The following STARD13 variants were observed in gnomAD, a reference collection of about 807,000 sequenced individuals.
STARD13 encodes the protein StAR related lipid transfer domain containing 13.
A neutral mutation model predicts 106.4 loss-of-function variants in STARD13; 62 were observed. That is an observed-to-expected ratio of 0.58 (90% CI 0.48 to 0.72). STARD13 has a LOEUF of 0.72. Among genes scored for constraint, STARD13 ranks in the 30% least tolerant of loss-of-function variants. The pLI is 0.00. For synonymous variants in STARD13, 565 were observed against 553.0 expected, an observed-to-expected ratio of 1.02 and a Z score of -0.31; for missense variants, 1,387 against 1,424.0, an observed-to-expected ratio of 0.97 and a Z score of 0.42.
At chr13:33,604,742 T>C in the STARD13 span, among the ~76,000 whole-genome samples, 1 of 151,388 alleles carries the variant, frequency 6.6e-6, no homozygotes, top group Admixed American at 6.6e-5. Flanking sequence ...GAGGTTGCAG[T>C]GAGCTGAGAT....
chr13:33,355,301 C>T (rs2078114472), upstream of STARD13: 1 of 152,188 alleles, frequency 6.6e-6, no homozygotes, highest in Non-Finnish European at 1.5e-5. Context: ...TTCCACTTCC[C>T]TCCCATGTTC....
chr13:33,412,888 T>C, the STARD13 span, among the ~76,000 whole-genome samples: 4 of 152,100 alleles, frequency 2.6e-5, no homozygotes, highest in African/African-American at 9.7e-5. Flanking sequence ...TCTCAACAAC[T>C]GATGGAACAA....
At chr13:33,296,318 G>C (rs115805795) in intron 1 of STARD13, among the ~76,000 whole-genome samples, 1 of 152,014 alleles carries the variant, frequency 6.6e-6, no homozygotes, top group South Asian at 2.1e-4. Flanking sequence ...ACATCATCAC[G>C]CAATGTATCT....
chr13:33,443,458 C>A, the STARD13 span, among the ~76,000 whole-genome samples: 7 of 37,670 alleles, frequency 1.9e-4, no homozygotes, highest in African/African-American at 9.1e-4. Context: ...GGTCCCCCCC[C>A]CAAAAAAAAA....
At chr13:33,453,785 G>T in the STARD13 span, among the ~76,000 whole-genome samples, 39 of 152,196 alleles carry the variant, frequency 2.6e-4, no homozygotes, top group Non-Finnish European at 4.1e-4. Context: ...AAAAGAGTGT[G>T]TAACAGGGAG....
chr13:33,160,408 C>T (rs1882485029), intron 3 of STARD13, among the ~76,000 whole-genome samples: 1 of 152,004 alleles, frequency 6.6e-6, no homozygotes, highest in Non-Finnish European at 1.5e-5. Context: ...TTAGATATGA[C>T]ATTAAAAGCA....
At chr13:33,372,946 C>A in the STARD13 span, among the ~76,000 whole-genome samples, 3 of 152,116 alleles carry the variant, frequency 2.0e-5, no homozygotes, top group Non-Finnish European at 4.4e-5. Flanking sequence ...TTAAGACCAA[C>A]AGGGGTCATG....
At chr13:33,263,854 CA>C (rs1007326344) in intron 1 of STARD13, among the ~76,000 whole-genome samples, 10 of 152,146 alleles carry the variant, frequency 6.6e-5, no homozygotes, top group Non-Finnish European at 1.0e-4. Flanking sequence ...TTTTAATCTA[CA>C]AATTATTTGA....
At chr13:33,603,246 C>T in the STARD13 span, among the ~76,000 whole-genome samples, 2 of 152,078 alleles carry the variant, frequency 1.3e-5, no homozygotes, top group Non-Finnish European at 2.9e-5. Context: ...AAGTTTTAGC[C>T]GTCAGGGAGA....
chr13:33,197,591 G>A (rs1042563525), intron 1 of STARD13, among the ~76,000 whole-genome samples: 2 of 152,078 alleles, frequency 1.3e-5, no homozygotes, highest in East Asian at 1.9e-4. Context: ...TTTCCTCTCC[G>A]TCAGCGAGCC....
chr13:33,648,935 G>A, the STARD13 span, among the ~76,000 whole-genome samples: 3 of 151,594 alleles, frequency 2.0e-5, no homozygotes, highest in African/African-American at 7.3e-5. Context: ...TGGGATTACA[G>A]GCATGCATCA....
chr13:33,382,139 G>T, the STARD13 span, among the ~76,000 whole-genome samples: 27 of 152,368 alleles, frequency 1.8e-4, no homozygotes, highest in East Asian at 5.2e-3. Context: ...ATGCAGAATT[G>T]AATGTTCTTA....
rs376681869 is a variant in STARD13, at chr13:33,242,068, T to C, written c.169+43402A>G. 3.3e-5 allele frequency among the ~76,000 whole-genome samples: 5 copies of C among 150,246 alleles called. No homozygotes were observed. The East Asian group carries it at 9.8e-4, about 29-fold the overall frequency. ...CTGGGATGTAGGGAGCGCCTCTGCC[T>C]GGCCGCAACCCAGTCTGGGATCTGA... is the stretch of plus-strand genomic sequence containing the variant. On this transcript the variant is annotated intron_variant, in intron 1 of 13. Coordinates refer to ENST00000336934, the MANE Select transcript of STARD13 (RefSeq NM_178006.4).
the STARD13 span, among the ~76,000 whole-genome samples, chr13:33,394,277 C>T: frequency 6.6e-6 from 1 of 151,616 alleles, no homozygotes; most frequent in Non-Finnish European, 1.5e-5. Flanking sequence ...TATGAAAATT[C>T]CAGAATTGCA....
At chr13:33,608,738 AGAAAGTCTTAGAGT>A in the STARD13 span, among the ~76,000 whole-genome samples, 1 of 152,328 alleles carries the variant, frequency 6.6e-6, no homozygotes, top group African/African-American at 2.4e-5. Flanking sequence ...ATTAAAAAAA[AGAAAGTCTTAGAGT>A]GAAGCATGGA....
chr13:33,643,159 G>GCACACACACA, the STARD13 span, among the ~76,000 whole-genome samples: 1,147 of 139,786 alleles, frequency 8.2e-3, 17 homozygotes, highest in South Asian at 0.036. Flanking sequence ...CATAGAACAT[G>GCACACACACA]CACACACACA....
At chr13:33,337,852 G>T (rs1382472654) in intron 1 of STARD13, among the ~76,000 whole-genome samples, 1 of 152,162 alleles carries the variant, frequency 6.6e-6, no homozygotes, top group Non-Finnish European at 1.5e-5. Context: ...TGAAAATGTG[G>T]GCCTTCCATT....
chr13:33,481,455 T>C, the STARD13 span, among the ~76,000 whole-genome samples: 1 of 152,222 alleles, frequency 6.6e-6, no homozygotes, highest in Non-Finnish European at 1.5e-5. Flanking sequence ...ATTTGTGCTT[T>C]TAGATGCAAC....
chr13:33,114,558 G>A (rs1875090204), intron 8 of STARD13, among the ~76,000 whole-genome samples: 1 of 152,196 alleles, frequency 6.6e-6, no homozygotes, highest in Admixed American at 6.5e-5. Context: ...CGCTTAGGGT[G>A]GAGGAGAAAC....
Sources: gnomAD v4.1 joint callset for allele counts (sites outside exome capture counted in the v4.1 genomes callset) on GRCh38, gnomAD v4.1.1 for gene constraint, MANE v1.5 for transcripts, NCBI Gene and HGNC (gene_info 2026-07-23, HGNC 2026-07-21) for gene names.